Variants in GRM8 observed in about 807,000 individuals in gnomAD.
GRM8 encodes the protein metabotropic glutamate receptor 8.
Under a neutral mutation model 87.2 loss-of-function variants are expected in GRM8, and 47 were observed. That is an observed-to-expected ratio of 0.54 (90% CI 0.43 to 0.69). The LOEUF (loss-of-function observed/expected upper bound fraction) is 0.69, where lower values mean the gene tolerates loss of function less well. Ranked by LOEUF, GRM8 falls within the 30% of genes least tolerant of loss-of-function variation. The pLI, the probability that GRM8 is intolerant of heterozygous loss-of-function variation, is 0.00. For synonymous variants in GRM8, 396 were observed against 404.5 expected (o/e 0.98, Z 0.25); for missense variants, 1,019 against 1,139.2 (o/e 0.89, Z 1.52).
chr7:127,142,854 TATG>T (rs1304373675), intron 2 of GRM8, among the ~76,000 whole-genome samples: 1 of 152,164 alleles, frequency 6.6e-6, no homozygotes, highest in African/African-American at 2.4e-5. Context: ...TCCCTGCATT[TATG>T]ATGTTTAGTA....
chr7:126,789,933 G>A (rs900754108), intron 6 of GRM8, among the ~76,000 whole-genome samples: 3 of 152,090 alleles, frequency 2.0e-5, no homozygotes, highest in African/African-American at 7.2e-5. Flanking sequence ...TTTCCAACTG[G>A]CATGTTGTAC....
chr7:127,111,617 A>C (rs1483760411), intron 2 of GRM8, among the ~76,000 whole-genome samples: 1 of 152,258 alleles, frequency 6.6e-6, no homozygotes, highest in African/African-American at 2.4e-5. Context: ...GCCACACCCT[A>C]GTCCAAGCCA....
intron 2 of GRM8, among the ~76,000 whole-genome samples, chr7:127,232,152 A>G (rs951378622): frequency 6.7e-6 from 1 of 150,154 alleles, no homozygotes; most frequent in African/African-American, 2.5e-5. Flanking sequence ...GCCAGAGCCA[A>G]TCTAGACCTG....
At chr7:127,167,423 G>A (rs572974233) in intron 2 of GRM8, among the ~76,000 whole-genome samples, 4 of 151,948 alleles carry the variant, frequency 2.6e-5, no homozygotes, top group South Asian at 2.1e-4. Flanking sequence ...ACAGGCATAC[G>A]TTTTATTGCA....
At chr7:127,179,272 T>C (rs1291084827) in intron 2 of GRM8, among the ~76,000 whole-genome samples, 2 of 152,158 alleles carry the variant, frequency 1.3e-5, no homozygotes, top group East Asian at 1.9e-4. Flanking sequence ...CATCACATAA[T>C]GGTAAAAGGC....
chr7:127,237,826 C>T (rs1798064400), intron 2 of GRM8, among the ~76,000 whole-genome samples: 1 of 152,156 alleles, frequency 6.6e-6, no homozygotes, highest in Non-Finnish European at 1.5e-5. Flanking sequence ...TCTTTGTGGA[C>T]ATTAATGTGA....
chr7:127,030,492 C>A (rs1005843657), intron 3 of GRM8, among the ~76,000 whole-genome samples: 1 of 152,068 alleles, frequency 6.6e-6, no homozygotes, highest in Admixed American at 6.6e-5. Context: ...CTAGGACTAA[C>A]GGGGGAATAC....
intron 2 of GRM8, among the ~76,000 whole-genome samples, chr7:127,217,431 G>C (rs1167599570): frequency 6.6e-6 from 1 of 152,208 alleles, no homozygotes; most frequent in Non-Finnish European, 1.5e-5. Context: ...GCAACAAGCA[G>C]CTGTGAGATT....
intron 10 of GRM8, among the ~76,000 whole-genome samples, chr7:126,440,946 A>G (rs1453277097): frequency 6.6e-6 from 1 of 152,086 alleles, no homozygotes; most frequent in Non-Finnish European, 1.5e-5. Context: ...TAAAAATATA[A>G]AAGTGCTAAT....
chr7:126,682,584 T>C (rs957142343), intron 7 of GRM8, among the ~76,000 whole-genome samples: 2 of 152,244 alleles, frequency 1.3e-5, no homozygotes, highest in Admixed American at 1.3e-4. Context: ...TGGTCGGCAC[T>C]GTTTTTGCCT....
At chr7:127,080,263 C>A in intron 3 of GRM8, among the ~76,000 whole-genome samples, 1 of 152,180 alleles carries the variant, frequency 6.6e-6, no homozygotes, top group East Asian at 1.9e-4. Context: ...GGAATGCTGG[C>A]AGCTTCTGGA....
At chr7:126,991,904 G>T (rs1300626734) in intron 3 of GRM8, among the ~76,000 whole-genome samples, 3 of 152,128 alleles carry the variant, frequency 2.0e-5, no homozygotes, top group African/African-American at 7.2e-5. Flanking sequence ...GTGAGGTTCA[G>T]TGGCTGCTTT....
At chr7:126,595,828 G>A (rs1279101466) in intron 8 of GRM8, among the ~76,000 whole-genome samples, 4 of 152,106 alleles carry the variant, frequency 2.6e-5, no homozygotes, top group Non-Finnish European at 5.9e-5. Context: ...ACATGCGTGT[G>A]TCTTTATGAT....
At chr7:126,498,587 AG>A (rs2150681655) in intron 9 of GRM8, among the ~76,000 whole-genome samples, 1 of 152,144 alleles carries the variant, frequency 6.6e-6, no homozygotes, top group African/African-American at 2.4e-5. Context: ...GTAAGTCTCC[AG>A]AAAAGTGGGG....
At chr7:126,951,837 G>A (rs532411187) in intron 3 of GRM8, among the ~76,000 whole-genome samples, 81 of 152,012 alleles carry the variant, frequency 5.3e-4, no homozygotes, top group African/African-American at 1.9e-3. Flanking sequence ...AGTACAAATG[G>A]CTTTAAATAT....
At chr7:126,822,816 T>A (rs1268533711) in intron 6 of GRM8, among the ~76,000 whole-genome samples, 1 of 152,222 alleles carries the variant, frequency 6.6e-6, no homozygotes, top group African/African-American at 2.4e-5. Context: ...ACATTCTTCC[T>A]AGATTAATGC....
At chr7:126,649,000 T>C (rs1803486786) in intron 7 of GRM8, among the ~76,000 whole-genome samples, 2 of 152,224 alleles carry the variant, frequency 1.3e-5, no homozygotes, top group South Asian at 2.1e-4. Context: ...ATAGACTCAC[T>C]TTTAGAAGCT....
chr7:126,881,095 C>G (rs1236089107), intron 6 of GRM8, among the ~76,000 whole-genome samples: 1 of 152,072 alleles, frequency 6.6e-6, no homozygotes, highest in Non-Finnish European at 1.5e-5. Context: ...GATATATTTT[C>G]ATATGGCCTC....
At chr7:127,212,332 G>T (rs1796258379) in intron 2 of GRM8, among the ~76,000 whole-genome samples, 1 of 151,776 alleles carries the variant, frequency 6.6e-6, no homozygotes, top group South Asian at 2.1e-4. Flanking sequence ...GGTTATTTGG[G>T]TCAAGTTCAT....
Sources: allele counts gnomAD v4.1 joint callset (sites outside exome capture counted in the v4.1 genomes callset), GRCh38; gene constraint gnomAD v4.1.1; transcripts MANE v1.5; gene names NCBI Gene and HGNC (gene_info 2026-07-23, HGNC 2026-07-21).